The following TAF6L variants were observed in gnomAD, a reference collection of about 807,000 sequenced individuals.
TAF6L encodes the protein TATA-box binding protein associated factor 6 like, also known as TAF6-like RNA polymerase II p300/CBP-associated factor-associated factor 65 kDa subunit 6L.
Under a neutral mutation model 57.3 loss-of-function variants are expected in TAF6L, and 34 were observed. The observed-to-expected ratio is 0.59, with a 90% CI of 0.45 to 0.79. TAF6L has a LOEUF of 0.79. TAF6L is among the 30% of genes least tolerant of loss of function. The probability of loss-of-function intolerance (pLI) is 0.00; values close to 1 mark genes in which losing one functional copy is unlikely to be tolerated. For missense variants in TAF6L, 782 were observed against 853.2 expected (o/e 0.92, Z 1.04); for synonymous variants, 417 against 376.3 (o/e 1.11, Z -1.25).
In TAF6L at chr11:62,778,857, G is replaced by A; in HGVS notation, c.437-12G>A. On this transcript the variant is annotated splice_polypyrimidine_tract_variant and intron_variant, in intron 5 of 10. Transcript: ENST00000294168. The stretch of plus-strand genomic sequence containing the variant: ...CTCCACCTGTCCCTGCTTCCTGCCT[G>A]TCCTCTGGCAGTGCCCAGTGCTGTG... 1 of 1,613,186 alleles carries A rather than the reference G, an allele frequency of 6.2e-7. No individual in the cohort carries two copies. Among genetic ancestry groups the A allele is most frequent in the Non-Finnish European group, 8.5e-7 (1 of 1,179,382 alleles).
chr11:62,786,000 G>C (rs1028019638), intron 9 of TAF6L: 29 of 349,082 alleles, frequency 8.3e-5, no homozygotes, highest in Non-Finnish European at 1.2e-4. Context: ...TCAGTAATGA[G>C]CATTATTTAG....
intron 2 of TAF6L, 84 bp from the exon 3 acceptor site, chr11:62,776,300 T>C: frequency 7.1e-7 from 1 of 1,408,590 alleles, no homozygotes; most frequent in Non-Finnish European, 1.0e-6. Flanking sequence ...TTGCCTTCTC[T>C]CCAGTCTGGC....
intron 6 of TAF6L, 96 bp from the exon 7 acceptor site, chr11:62,781,798 C>A: frequency 1.9e-6 from 2 of 1,033,536 alleles, no homozygotes; most frequent in Non-Finnish European, 3.0e-6. Context: ...AATTGTAAAA[C>A]ATGAATAAGG....
rs571596496 is a variant in TAF6L at position 62,782,460 on chromosome 11, G to A, written c.827+127G>A. 181 of 1,106,556 alleles carry A rather than the reference G, an allele frequency of 1.6e-4. 1 individual carries two copies. The highest frequency in any genetic ancestry group is 7.2e-4 in the Admixed American group (29 of 40,030). 68.5% of individuals were successfully genotyped at this position (1,106,556 alleles called of 1,614,324 possible). ...GATGGGGAACCTTTTCCCTAGGAGC[G>A]TCCTAGCTGGTGTGCTGTGACACAC... On this transcript the variant is annotated intron_variant, in intron 8 of 10. Coordinates refer to ENST00000294168, the MANE Select transcript of TAF6L (RefSeq NM_006473.4).
chr11:62,776,321 T>G, intron 2 of TAF6L, 63 bp from the exon 3 acceptor site: 1 of 1,551,488 alleles, frequency 6.4e-7, no homozygotes, highest in Non-Finnish European at 8.9e-7. Flanking sequence ...CCACTTCATT[T>G]GGGGTTTCCC....
At chr11:62,771,929 C>G (rs2084150998) in intron 1 of TAF6L, 1 of 355,522 alleles carries the variant, frequency 2.8e-6, no homozygotes, top group East Asian at 7.6e-5. Flanking sequence ...CTAGGGTCAC[C>G]AAGGGGTGGG....
chr11:62,775,125 A>T (rs1177838897), intron 1 of TAF6L, among the ~76,000 whole-genome samples: 1 of 152,024 alleles, frequency 6.6e-6, no homozygotes, highest in Non-Finnish European at 1.5e-5. Context: ...TAACTGACTC[A>T]ATGCTGGGGA....
intron 9 of TAF6L, among the ~76,000 whole-genome samples, chr11:62,784,684 G>A (rs1195936765): frequency 6.6e-6 from 1 of 152,092 alleles, no homozygotes; most frequent in Non-Finnish European, 1.5e-5. Flanking sequence ...TGATCCGAAG[G>A]CTTTTCAGCT....
chr11:62,777,479 G>C (rs1565187400), intron 3 of TAF6L, among the ~76,000 whole-genome samples: 1 of 152,170 alleles, frequency 6.6e-6, no homozygotes. Flanking sequence ...GTTAGAGAAA[G>C]CTTTTTGGAG....
intron 1 of TAF6L, among the ~76,000 whole-genome samples, chr11:62,772,755 G>A (rs2084157953): frequency 6.7e-6 from 1 of 148,550 alleles, no homozygotes; most frequent in Non-Finnish European, 1.5e-5. Context: ...CCGAGATCAA[G>A]CCACTGCACT....
At chr11:62,779,698 C>A (rs1051029271) in intron 6 of TAF6L, among the ~76,000 whole-genome samples, 2 of 151,286 alleles carry the variant, frequency 1.3e-5, no homozygotes, top group Non-Finnish European at 2.9e-5. Flanking sequence ...TGGGGTCTTG[C>A]TCTGTCACCT....
intron 5 of TAF6L, 136 bp downstream of exon 5, chr11:62,778,471 C>T (rs1434557158): frequency 2.9e-5 from 31 of 1,064,926 alleles, no homozygotes; most frequent in Admixed American, 4.0e-5. Flanking sequence ...TCTGAGTGGG[C>T]GCTGGGCTCT....
chr11:62,782,224 G>A lies in TAF6L; in HGVS notation c.718G>A (p.Gly240Ser). ...GGGGCCCTATGTCCGCTGTCTGGTG[G>A]GCAGTGTCCTCTACTGTGTCCTGGA... ...CLGPYVRCLV[G>S]SVLYCVLEPL... Residue 240 changes from glycine to serine, a missense_variant, in exon 8 of 11, where the codon GGC becomes AGC. Around this residue, in one of 3 missense-constraint regions of TAF6L, gnomAD observed 79 missense variants for 156.0 expected, o/e 0.51. Coordinates refer to ENST00000294168, the MANE Select transcript of TAF6L (RefSeq NM_006473.4). 1 of 1,614,198 alleles carries A rather than the reference G, an allele frequency of 6.2e-7. No individual in the cohort carries two copies. The highest frequency in any genetic ancestry group is 8.5e-7 in the Non-Finnish European group (1 of 1,180,038).
chr11:62,781,718 T>C (rs1477332665), intron 6 of TAF6L, 176 bp from the exon 7 acceptor site: 1 of 600,912 alleles, frequency 1.7e-6, no homozygotes, highest in Non-Finnish European at 3.0e-6. Flanking sequence ...TATGCAGGTA[T>C]ATGTGAATGA....
At chr11:62,776,042 C>A in intron 2 of TAF6L, 112 bp downstream of exon 2, 1 of 1,330,040 alleles carries the variant, frequency 7.5e-7, no homozygotes, top group Non-Finnish European at 1.0e-6. Flanking sequence ...CTCCATACAA[C>A]AGAGACAGTC....
intron 2 of TAF6L, 72 bp from the exon 3 acceptor site, chr11:62,776,312 C>T (rs2084187779): frequency 1.3e-6 from 2 of 1,492,272 alleles, no homozygotes; most frequent in African/African-American, 1.4e-5. Context: ...CAGTCTGGCC[C>T]ACTTCATTTG....
At chr11:62,786,074 C>T in intron 9 of TAF6L, 186 bp from the exon 10 acceptor site, 1 of 657,408 alleles carries the variant, frequency 1.5e-6, no homozygotes, top group Non-Finnish European at 2.6e-6. Context: ...TCTTTATTCC[C>T]AATGCCTAGC....
chr11:62,786,546 G>A lies in TAF6L; in HGVS notation c.1119G>A (p.Lys373=), dbSNP rs774704679. 6.4e-7 allele frequency: 1 copy of A among 1,553,410 alleles called. No homozygotes were observed. Among genetic ancestry groups the A allele is most frequent in the Non-Finnish European group, 8.7e-7 (1 of 1,148,282 alleles). Residue 373 remains lysine (K), a synonymous_variant, in exon 11 of 11, where the codon AAG becomes AAA. Coordinates refer to ENST00000294168, the MANE Select transcript of TAF6L (RefSeq NM_006473.4). ...LVAVERLLKM[K]AQAAEPNRGG... The stretch of plus-strand genomic sequence containing the variant: ...CGGTAGAGCGACTGCTGAAGATGAA[G>A]GCCCAGGCAGCAGAGCCCAACAGGG...
intron 1 of TAF6L, chr11:62,771,727 C>G (rs2584917): frequency 0.019 from 3,917 of 206,942 alleles, 157 homozygotes; most frequent in African/African-American, 0.085. Flanking sequence ...CCCACGCCTC[C>G]TCTCCAGCGT....
Sources: gnomAD v4.1 joint callset for allele counts (sites outside exome capture counted in the v4.1 genomes callset) on GRCh38, gnomAD v4.1.1 for gene constraint, gnomAD v4.1.1 regional missense constraint, MANE v1.5 for transcripts, NCBI Gene and HGNC (gene_info 2026-07-23, HGNC 2026-07-21) for gene names.